NFIA: variants seen among roughly 807,000 people sequenced by gnomAD.
The protein encoded by NFIA is nuclear factor 1 A-type.
A neutral mutation model predicts 62.8 loss-of-function variants in NFIA; 8 were observed. That is an observed-to-expected ratio of 0.13 (90% CI 0.07 to 0.23). NFIA has a LOEUF of 0.23. Ranked by LOEUF, NFIA falls within the 10% of genes least tolerant of loss-of-function variation. The pLI is 1.00. For missense variants in NFIA, 410 were observed against 642.1 expected (o/e 0.64, Z 3.91); for synonymous variants, 235 against 238.1 (o/e 0.99, Z 0.12).
At chr1:61,143,245 A>G (rs1193625792) in intron 2 of NFIA, among the ~76,000 whole-genome samples, 1 of 152,202 alleles carries the variant, frequency 6.6e-6, no homozygotes, top group Non-Finnish European at 1.5e-5. Flanking sequence ...GTTGAATATT[A>G]TTTAAGTGAA....
At chr1:61,236,455 C>A (rs982268161) in intron 2 of NFIA, among the ~76,000 whole-genome samples, 2 of 152,134 alleles carry the variant, frequency 1.3e-5, no homozygotes, top group African/African-American at 4.8e-5. Flanking sequence ...TGATTTCTCA[C>A]CAATGTACTT....
upstream of NFIA, among the ~76,000 whole-genome samples, chr1:61,079,835 C>T (rs758672208): frequency 2.0e-5 from 3 of 152,244 alleles, no homozygotes; most frequent in Admixed American, 2.0e-4. Flanking sequence ...ATGTTTTTTA[C>T]CCCCAGTCTG....
At chr1:61,365,767 T>G (rs61770542) in intron 6 of NFIA, among the ~76,000 whole-genome samples, 12,192 of 152,250 alleles carry the variant, frequency 0.08, 711 homozygotes, top group Non-Finnish European at 0.11. Context: ...AACTGTTCCT[T>G]CTGCTCCATC....
In NFIA at chr1:61,460,587, T is replaced by A. The variant is rs1172412252; in HGVS notation, c.*5267T>A. 6.6e-6 allele frequency: 1 copy of A among 152,258 alleles called. No homozygotes were observed. The highest frequency in any genetic ancestry group is 6.5e-5 in the Admixed American group (1 of 15,288). 9.4% of individuals were successfully genotyped at this position (152,258 alleles called of 1,614,324 possible). Reference sequence around the variant, plus strand: ...CTTTGGTATCTACTTTCCGTTTACTTCAATCCTTGCCTTTTTGGTCATTGT... The same window carrying A: ...CTTTGGTATCTACTTTCCGTTTACTACAATCCTTGCCTTTTTGGTCATTGT... On this transcript the variant is annotated 3_prime_UTR_variant, in exon 11 of 11. Coordinates refer to ENST00000403491, the MANE Select transcript of NFIA (RefSeq NM_001134673.4).
chr1:61,315,095 A>T (rs1478111147), intron 3 of NFIA, among the ~76,000 whole-genome samples: 1 of 152,232 alleles, frequency 6.6e-6, no homozygotes, highest in Non-Finnish European at 1.5e-5. Flanking sequence ...TAGTTGGAAC[A>T]TCAGAAATTA....
intron 2 of NFIA, among the ~76,000 whole-genome samples, chr1:61,199,610 G>A (rs907844510): frequency 7.2e-5 from 11 of 152,076 alleles, no homozygotes; most frequent in African/African-American, 2.7e-4. Context: ...AGTTTTTTCT[G>A]GTTCCTTCTA....
chr1:61,101,243 A>G (rs890344786), intron 2 of NFIA, among the ~76,000 whole-genome samples: 1 of 151,970 alleles, frequency 6.6e-6, no homozygotes, highest in African/African-American at 2.4e-5. Flanking sequence ...TGAAAATACA[A>G]AATTAGCCGG....
At chr1:61,133,631 T>C (rs1386323112) in intron 2 of NFIA, among the ~76,000 whole-genome samples, 1 of 152,212 alleles carries the variant, frequency 6.6e-6, no homozygotes, top group Non-Finnish European at 1.5e-5. Flanking sequence ...TCTGGTTCCA[T>C]CACTGCCATT....
chr1:61,253,471 G>A (rs1423641527), intron 2 of NFIA: 1 of 152,324 alleles, frequency 6.6e-6, no homozygotes, highest in East Asian at 1.9e-4. Flanking sequence ...AGAGGCTAAA[G>A]CATGGCTTAC....
At chr1:61,450,954 T>G (rs1341427759) in intron 10 of NFIA, among the ~76,000 whole-genome samples, 1 of 152,234 alleles carries the variant, frequency 6.6e-6, no homozygotes, top group Non-Finnish European at 1.5e-5. Flanking sequence ...AAAAAGTTGT[T>G]GCACACATTA....
intron 2 of NFIA, among the ~76,000 whole-genome samples, chr1:61,232,723 T>C (rs1413569356): frequency 1.3e-5 from 2 of 152,194 alleles, no homozygotes; most frequent in Non-Finnish European, 2.9e-5. Context: ...CATCTTCCTT[T>C]CCAGTTTAGT....
chr1:61,386,380 A>T (rs1221347066), intron 7 of NFIA, among the ~76,000 whole-genome samples: 1 of 152,228 alleles, frequency 6.6e-6, no homozygotes, highest in Non-Finnish European at 1.5e-5. Context: ...CTTTAAAAGG[A>T]TCTTGAAGAA....
At chr1:61,207,836 A>T (rs1652994557) in intron 2 of NFIA, among the ~76,000 whole-genome samples, 1 of 152,154 alleles carries the variant, frequency 6.6e-6, no homozygotes, top group African/African-American at 2.4e-5. Flanking sequence ...GCATACTTCC[A>T]TATTAATAAC....
chr1:61,189,344 A>T (rs1319640573), intron 2 of NFIA, among the ~76,000 whole-genome samples: 4 of 152,034 alleles, frequency 2.6e-5, no homozygotes, highest in Non-Finnish European at 5.9e-5. Flanking sequence ...CTGGAGTTAC[A>T]GGTTTGGAGA....
chr1:61,337,188 C>T (rs868695484), intron 4 of NFIA, among the ~76,000 whole-genome samples: 1 of 152,144 alleles, frequency 6.6e-6, no homozygotes, highest in East Asian at 1.9e-4. Flanking sequence ...GATGAGGCAA[C>T]AAGGATGCTT....
intron 3 of NFIA, among the ~76,000 whole-genome samples, chr1:61,315,040 C>CAAA (rs71582636): frequency 5.5e-4 from 82 of 150,412 alleles, no homozygotes; most frequent in African/African-American, 1.7e-3. Flanking sequence ...GCACCTGAAA[C>CAAA]AAAAAAAAAC....
intron 2 of NFIA, among the ~76,000 whole-genome samples, chr1:61,117,909 C>T (rs59792379): frequency 0.041 from 6,247 of 152,112 alleles, 311 homozygotes; most frequent in East Asian, 0.17. Flanking sequence ...GCTGGCCGGG[C>T]GTGGTGGCTC....
At chr1:61,219,721 A>AAAAAAAAG (rs1553162644) in intron 2 of NFIA, among the ~76,000 whole-genome samples, 7 of 150,576 alleles carry the variant, frequency 4.6e-5, no homozygotes, top group East Asian at 1.9e-4. Flanking sequence ...CTCAAAAAAA[A>AAAAAAAAG]AAAAAGAAAA....
chr1:61,333,689 A>T (rs1172697169), intron 4 of NFIA, among the ~76,000 whole-genome samples: 3 of 152,170 alleles, frequency 2.0e-5, no homozygotes. Flanking sequence ...GGTCTATATA[A>T]GTTATTTATC....
Sources: gnomAD v4.1 joint callset for allele counts (sites outside exome capture counted in the v4.1 genomes callset) on GRCh38, gnomAD v4.1.1 for gene constraint, MANE v1.5 for transcripts, NCBI Gene and HGNC (gene_info 2026-07-23, HGNC 2026-07-21) for gene names.